Variants in IGSF21 observed in about 807,000 individuals in gnomAD.
The protein encoded by IGSF21 is immunoglobulin superfamily member 21.
A neutral mutation model predicts 46.8 loss-of-function variants in IGSF21; 28 were observed. That is an observed-to-expected ratio of 0.60 (90% CI 0.44 to 0.82). IGSF21 has a LOEUF of 0.82. Ranked by LOEUF, IGSF21 falls within the 40% of genes least tolerant of loss-of-function variation. The pLI is 0.00. For missense variants in IGSF21, 624 were observed against 665.5 expected (o/e 0.94, Z 0.69); for synonymous variants, 284 against 273.6 (o/e 1.04, Z -0.38).
At chr1:18,340,674 G>A (rs2085823545) in intron 4 of IGSF21, among the ~76,000 whole-genome samples, 1 of 152,202 alleles carries the variant, frequency 6.6e-6, no homozygotes, top group Admixed American at 6.5e-5. Flanking sequence ...AGTCCTAGAA[G>A]CCTGAAATCA....
intron 1 of IGSF21, among the ~76,000 whole-genome samples, chr1:18,157,263 T>C (rs2086577151): frequency 6.6e-6 from 1 of 152,220 alleles, no homozygotes; most frequent in African/African-American, 2.4e-5. Context: ...GTGGGGCTTC[T>C]AGCTCTTTCT....
intron 2 of IGSF21, among the ~76,000 whole-genome samples, chr1:18,238,808 G>A (rs886428545): frequency 7.2e-5 from 11 of 152,088 alleles, no homozygotes; most frequent in African/African-American, 2.7e-4. Context: ...CAAGGGCCTG[G>A]GACACACCAT....
rs1023853317 is a variant in IGSF21 at position 18,322,830 on chromosome 1, A to C, written c.306-12062A>C. Among the ~76,000 whole-genome samples the C allele has an allele frequency of 2.0e-5, 3 of 152,210 alleles. No individual in the cohort carries two copies. Among genetic ancestry groups the C allele is most frequent in the Non-Finnish European group, 2.9e-5 (2 of 68,032 alleles). On this transcript the variant is annotated intron_variant, in intron 3 of 9. Transcript: ENST00000251296. The surrounding 1 kb of genome is among the most constrained non-coding windows in gnomAD (Gnocchi z 4.3). ...CATGGCAGCAGCCAGAGTCTGGAAAAGAGGCCTGGAGAGGAAGCCGGTGGA... is the reference window on the plus strand; with the variant it reads ...CATGGCAGCAGCCAGAGTCTGGAAACGAGGCCTGGAGAGGAAGCCGGTGGA...
At chr1:18,301,320 TTTTG>T (rs71575879) in intron 3 of IGSF21, among the ~76,000 whole-genome samples, 113,992 of 150,594 alleles carry the variant, frequency 0.76, 43,995 homozygotes, top group East Asian at 0.92. Context: ...ATGGTAATTG[TTTTG>T]TTTGTTTGTT....
intron 4 of IGSF21, among the ~76,000 whole-genome samples, chr1:18,340,171 G>T (rs2085817050): frequency 1.3e-5 from 2 of 152,040 alleles, no homozygotes; most frequent in Non-Finnish European, 2.9e-5. Flanking sequence ...CTAGTACATT[G>T]CAGGCACTGT....
At chr1:18,312,787 C>T (rs923996850) in intron 3 of IGSF21, among the ~76,000 whole-genome samples, 1 of 152,210 alleles carries the variant, frequency 6.6e-6, no homozygotes, top group African/African-American at 2.4e-5. Flanking sequence ...ACTAAGGAAA[C>T]ATTGACAGGT....
chr1:18,155,728 A>C (rs779894391), intron 1 of IGSF21, among the ~76,000 whole-genome samples: 8 of 152,206 alleles, frequency 5.3e-5, no homozygotes, highest in Non-Finnish European at 1.0e-4. Flanking sequence ...CTGCTGGTGC[A>C]GTGTTGAGGG....
At chr1:18,126,813 C>A (rs371879516) in intron 1 of IGSF21, among the ~76,000 whole-genome samples, 1 of 152,112 alleles carries the variant, frequency 6.6e-6, no homozygotes, top group South Asian at 2.1e-4. Flanking sequence ...TCCCCCCACA[C>A]CCCCTCCAGA....
intron 4 of IGSF21, among the ~76,000 whole-genome samples, chr1:18,359,322 GAGAGAA>G (rs1358996521): frequency 8.9e-6 from 1 of 111,990 alleles, no homozygotes; most frequent in African/African-American, 3.3e-5. Flanking sequence ...GAAAGAGAGA[GAGAGAA>G]AGAGAAAGAA....
chr1:18,180,155 C>T (rs776278131), intron 1 of IGSF21, among the ~76,000 whole-genome samples: 18 of 152,224 alleles, frequency 1.2e-4, no homozygotes, highest in Non-Finnish European at 2.2e-4. Context: ...TTATATTCCA[C>T]TGCGTGACAC....
At chr1:18,315,410 A>C (rs1018817860) in intron 3 of IGSF21, among the ~76,000 whole-genome samples, 1 of 152,220 alleles carries the variant, frequency 6.6e-6, no homozygotes, top group Non-Finnish European at 1.5e-5. Flanking sequence ...CCCTGTCTGC[A>C]ACACTAGAAA....
intron 4 of IGSF21, among the ~76,000 whole-genome samples, chr1:18,360,158 G>T (rs2086084084): frequency 6.6e-6 from 1 of 152,192 alleles, no homozygotes; most frequent in African/African-American, 2.4e-5. Context: ...CAGGTTTTCG[G>T]TTGAGTTTTG....
At chr1:18,239,759 C>T (rs558573862) in intron 2 of IGSF21, among the ~76,000 whole-genome samples, 13 of 152,170 alleles carry the variant, frequency 8.5e-5, no homozygotes, top group East Asian at 1.9e-4. Flanking sequence ...GTTGCCCCCC[C>T]TCCCCGCCAC....
At position 18,273,462 on chromosome 1, in the gene IGSF21, C is replaced by CTCTCTCTTTCTT. The variant is rs767013694; in HGVS notation, c.184-18401_184-18400insCTCTTTCTTTCT. 6.5e-4 allele frequency among the ~76,000 whole-genome samples: 40 copies of CTCTCTCTTTCTT among 61,928 alleles called. 2 individuals are homozygous for CTCTCTCTTTCTT. The highest frequency in any genetic ancestry group is 2.9e-3 in the African/African-American group (36 of 12,472). The allele number at this position is 61,928 out of a possible 152,430, so 40.6% of individuals were successfully genotyped here. The stretch of plus-strand genomic sequence containing the variant: ...TCTTTCTCACTTTCTTTCTTTCTCT[C>CTCTCTCTTTCTT]TCTTTCTTTCTTTCTTTCTTTCTTT... On this transcript the variant is annotated intron_variant, in intron 2 of 9. Coordinates refer to ENST00000251296, the MANE Select transcript of IGSF21 (RefSeq NM_032880.5).
chr1:18,108,195 C>T lies in IGSF21; in HGVS notation c.67C>T (p.Arg23Cys). The change falls in exon 1 of 10, where the codon CGC becomes TGC. Residue 23 changes from arginine (R) to cysteine (C), a missense_variant. Arg to Cys is a radical substitution (Grantham distance 180). Coordinates refer to ENST00000251296, the MANE Select transcript of IGSF21 (RefSeq NM_032880.5). ...LLLAAILDLA[R>C]GYLTVNIEPL... ...GCTCGCCGCGATCCTGGACCTGGCG[C>T]GCGGTGAGTGCGCGGGCGCCTGGCG... 1.4e-6 allele frequency: 2 copies of T among 1,429,064 alleles called. No homozygotes were observed. Among genetic ancestry groups the T allele is most frequent in the Non-Finnish European group, 1.8e-6 (2 of 1,092,846 alleles). The allele number at this position is 1,429,064 out of a possible 1,614,324, so 88.5% of individuals were successfully genotyped here.
At chr1:18,265,666 C>T (rs955885240) in intron 2 of IGSF21, among the ~76,000 whole-genome samples, 1 of 152,240 alleles carries the variant, frequency 6.6e-6, no homozygotes, top group African/African-American at 2.4e-5. Context: ...CTGGAAGGGA[C>T]AGCGTCCTCC....
intron 1 of IGSF21, among the ~76,000 whole-genome samples, chr1:18,220,182 T>A (rs1330912371): frequency 1.3e-5 from 2 of 152,186 alleles, no homozygotes; most frequent in Admixed American, 1.3e-4. Flanking sequence ...ACCACCGTGC[T>A]GTCTGCTGAC....
At chr1:18,264,927 G>A (rs977672302) in intron 2 of IGSF21, among the ~76,000 whole-genome samples, 1 of 152,120 alleles carries the variant, frequency 6.6e-6, no homozygotes, top group Non-Finnish European at 1.5e-5. Flanking sequence ...TTAGGCTCAG[G>A]GCCACCACAC....
chr1:18,189,406 G>A (rs1291696346), intron 1 of IGSF21, among the ~76,000 whole-genome samples: 1 of 152,178 alleles, frequency 6.6e-6, no homozygotes, highest in Non-Finnish European at 1.5e-5. Flanking sequence ...GTTTCGTGGA[G>A]GATGAATTTT....
Sources: allele counts gnomAD v4.1 joint callset (sites outside exome capture counted in the v4.1 genomes callset), GRCh38; gene constraint gnomAD v4.1.1; non-coding constraint Gnocchi (gnomAD v3.1); transcripts MANE v1.5; gene names NCBI Gene and HGNC (gene_info 2026-07-23, HGNC 2026-07-21).